The following FLNA variants were observed in gnomAD, a reference collection of about 807,000 sequenced individuals.
The protein encoded by FLNA is filamin-A.
FLNA carries 7 observed loss-of-function variants against 157.6 expected under a neutral mutation model. That is an observed-to-expected ratio of 0.04 (90% CI 0.03 to 0.08). The LOEUF (loss-of-function observed/expected upper bound fraction) is 0.08. FLNA is among the 10% of genes least tolerant of loss of function. The probability of loss-of-function intolerance (pLI) is 1.00; values close to 1 mark genes in which losing one functional copy is unlikely to be tolerated. For missense variants in FLNA, 1,750 were observed against 2,398.4 expected, an observed-to-expected ratio of 0.73 and a Z score of 5.65; for synonymous variants, 1,103 against 1,060.8, an observed-to-expected ratio of 1.04 and a Z score of -0.77.
At chrX:154,361,076 A>AAAAGAAAG (rs1569551712) in intron 21 of FLNA, among the ~76,000 whole-genome samples, 3 of 89,030 alleles carry the variant, frequency 3.4e-5, no homozygotes, top group Non-Finnish European at 6.7e-5. Context: ...AAAAAAAAAA[A>AAAAGAAAG]AAAGAAAGAA....
chrX:154,364,136 C>G lies in FLNA; in HGVS notation c.2166G>C (p.Leu722Phe). Residue 722 changes from leucine (L) to phenylalanine (F), a missense_variant, in exon 15 of 48, where the codon TTG (leucine) becomes TTC (phenylalanine). Physicochemically the swap from Leu to Phe is conservative, Grantham distance 22 (BLOSUM62 0). Around this residue, in one of 5 missense-constraint regions of FLNA, gnomAD observed 648 missense variants for 805.8 expected, o/e 0.80. Transcript: ENST00000369850. ...AAGTGCCATTGCCGTTGTCCTTGAC[C>G]AACGCCTCCACAGGGCAGCCTTCAT... ...QDNEGCPVEALVKDNGNGTYS... is the reference protein window; with the variant it reads ...QDNEGCPVEAFVKDNGNGTYS... 1 of 1,211,273 alleles carries G rather than the reference C, an allele frequency of 8.3e-7. No individual in the cohort carries two copies. Among genetic ancestry groups the G allele is most frequent in the Non-Finnish European group, 1.1e-6 (1 of 895,370 alleles).
rs782643391 is a variant in FLNA, at chrX:154,360,994, C to G, written c.3207+314G>C. Among the ~76,000 whole-genome samples, 9 of 86,505 alleles carry G rather than the reference C, an allele frequency of 1.0e-4. No homozygotes were observed. In the Admixed American group the frequency reaches 1.2e-3, roughly 12 times the overall value. 75.1% of individuals were successfully genotyped at this position (86,505 alleles called of 115,157 possible). A position where few individuals can be genotyped will look rare whatever the true frequency, so the allele number is the denominator to read the frequency against. ...GCCAGGAGGCGGAGGGTGCCGTGAG[C>G]CAATATCGCGCCACTGCACTCCAGC... On this transcript the variant is annotated intron_variant, in intron 21 of 47. Transcript: ENST00000369850.
In FLNA at chrX:154,348,808, G is replaced by A. The variant is rs782082662; in HGVS notation, c.*41C>T. 2.0e-5 allele frequency: 23 copies of A among 1,153,197 alleles called. No homozygotes were observed. The highest frequency in any genetic ancestry group is 5.7e-5 in the South Asian group (3 of 52,638). Reference sequence around the variant, plus strand: ...AAGAGGGCGGGGCTGCTTGGGTAGCGGGGCAGGCTTGGGGGCTGCCGGCTG... The same window carrying A: ...AAGAGGGCGGGGCTGCTTGGGTAGCAGGGCAGGCTTGGGGGCTGCCGGCTG... On this transcript the variant is annotated 3_prime_UTR_variant, in exon 48 of 48. Transcript: ENST00000369850.
chrX:154,355,094 C>A, intron 30 of FLNA, 22 bp from the exon 31 acceptor site: 1 of 1,194,723 alleles, frequency 8.4e-7, no homozygotes, highest in Admixed American at 2.2e-5. Flanking sequence ...GGGTGGGTCC[C>A]CAAAGGGGGG....
At chrX:154,349,177 G>T in intron 47 of FLNA, 141 bp from the exon 48 acceptor site, 1 of 770,029 alleles carries the variant, frequency 1.3e-6, no homozygotes, top group Non-Finnish European at 1.9e-6. Context: ...CCCAACCCAG[G>T]CCAGCTTAGC....
chrX:154,361,623 C>T (rs781961938), intron 20 of FLNA, 47 bp downstream of exon 20: 1 of 1,208,102 alleles, frequency 8.3e-7, no homozygotes, highest in African/African-American at 1.7e-5. Context: ...CTCAGCCAAT[C>T]CCTGGATGTG....
chrX:154,358,825 C>T (rs1234025150), intron 26 of FLNA, among the ~76,000 whole-genome samples, 159 bp downstream of exon 26: 2 of 112,122 alleles, frequency 1.8e-5, no homozygotes, highest in African/African-American at 6.5e-5. Context: ...CCAAGTCCCC[C>T]ACCTGGCTGC....
chrX:154,372,690 C>G (rs1262019688), intron 1 of FLNA, among the ~76,000 whole-genome samples: 1 of 108,477 alleles, frequency 9.2e-6, no homozygotes, highest in African/African-American at 3.4e-5. Flanking sequence ...TCTCAGTCCT[C>G]GGTACCTCCC....
At chrX:154,354,797 T>C in intron 31 of FLNA, 28 bp downstream of exon 31, 1 of 1,211,383 alleles carries the variant, frequency 8.3e-7, no homozygotes, top group Non-Finnish European at 1.1e-6. Context: ...CAGACACCCC[T>C]GCTGACCTAC....
At position 154,364,357 on chromosome X, in the gene FLNA, G is replaced by A. The variant is rs1244390170; in HGVS notation, c.2038C>T (p.Pro680Ser). The change falls in exon 14 of 48, where the codon CCT becomes TCT. Residue 680 changes from proline (P) to serine (S), a missense_variant. Physicochemically the swap from Pro to Ser is moderately conservative, Grantham distance 74 (BLOSUM62 -1). Coordinates refer to ENST00000369850, the MANE Select transcript of FLNA (RefSeq NM_001110556.2). ...GCCACACCTGTCTTCTCCAATCCAGGCCCACGTGCCTTCACCTAGCGGGAG... is the reference window on the plus strand; with the variant it reads ...GCCACACCTGTCTTCTCCAATCCAGACCCACGTGCCTTCACCTAGCGGGAG... ...FHPDRVKARG[P>S]GLEKTGVAVN... is the part of the protein sequence containing the mutation. 8.3e-7 allele frequency: 1 copy of A among 1,208,089 alleles called. No individual in the cohort carries two copies. The highest frequency in any genetic ancestry group is 1.8e-5 in the African/African-American group (1 of 56,971).
Position 154,349,778 on chromosome X carries a change from C to CCAT in FLNA, c.7420_7422dup (p.Met2474dup), listed in dbSNP as rs781924831. ...TAGCCCTCAGGGCACTCCTGGCAAT[C>CCAT]CATCTTCACCTTGGAGGGGCCGTCA... On this transcript the variant is annotated inframe_insertion, in exon 46 of 48. Transcript: ENST00000369850. 8.3e-7 allele frequency: 1 copy of CCAT among 1,211,668 alleles called. No homozygotes were observed. The highest frequency in any genetic ancestry group is 1.1e-6 in the Non-Finnish European group (1 of 895,392).
At chrX:154,351,189 G>A in intron 43 of FLNA, 148 bp from the exon 44 acceptor site, 1 of 601,824 alleles carries the variant, frequency 1.7e-6, no homozygotes, top group Admixed American at 2.7e-5. Flanking sequence ...TGATTTGCAA[G>A]GGGCAGCAAG....
At chrX:154,360,673 C>A in intron 21 of FLNA, 86 bp from the exon 22 acceptor site, 1 of 881,179 alleles carries the variant, frequency 1.1e-6, no homozygotes, top group Non-Finnish European at 1.6e-6. Context: ...CCTCCCCTTG[C>A]CCTGGCTTCC....
chrX:154,362,628 C>T (rs782600074), intron 16 of FLNA, 33 bp downstream of exon 16: 2 of 1,210,929 alleles, frequency 1.7e-6, no homozygotes, highest in East Asian at 3.0e-5. Context: ...GACACCCCAG[C>T]CACCTGCCCT....
At position 154,365,496 on chromosome X, in the gene FLNA, G is replaced by C; in HGVS notation, c.1430-10C>G. ...GCACTCGGGTTACAGGCTGCAGGCA[G>C]AGGGGCCAGCTGAGCACCAGCAGCT... On this transcript the variant is annotated splice_polypyrimidine_tract_variant and intron_variant, in intron 9 of 47. Coordinates refer to ENST00000369850, the MANE Select transcript of FLNA (RefSeq NM_001110556.2). 1 of 1,209,762 alleles carries C rather than the reference G, an allele frequency of 8.3e-7. No homozygotes were observed. Among genetic ancestry groups the C allele is most frequent in the South Asian group, 1.8e-5 (1 of 56,869 alleles).
chrX:154,363,945 A>G (rs2067733861), intron 15 of FLNA, 77 bp downstream of exon 15: 2 of 1,080,454 alleles, frequency 1.9e-6, no homozygotes, highest in Admixed American at 4.5e-5. Flanking sequence ...GGTGTGCCAC[A>G]ACCACTTGAA....
rs1175368896 is a variant in FLNA, at chrX:154,351,480, AG to A, written c.7023+100del. The A allele has an allele frequency of 6.3e-5, 36 of 572,190 alleles. No homozygotes were observed. In the African/African-American group the frequency reaches 7.0e-4, roughly 11 times the overall value. The allele number at this position is 572,190 out of a possible 1,213,427, so 47.2% of individuals were successfully genotyped here. On this transcript the variant is annotated intron_variant, in intron 43 of 47. Transcript: ENST00000369850. Reference sequence around the variant, plus strand: ...GAGGCCTGGAACCCAGAGCTGGGCCAGGGGGGTCACTGAACACAGGGCCAAG... The same window carrying A: ...GAGGCCTGGAACCCAGAGCTGGGCCAGGGGGTCACTGAACACAGGGCCAAG...
intron 15 of FLNA, 105 bp downstream of exon 15, chrX:154,363,917 G>C: frequency 2.3e-6 from 2 of 883,380 alleles, no homozygotes; most frequent in Non-Finnish European, 3.3e-6. Context: ...AGGAGCTGTG[G>C]GACAGGGGAG....
At chrX:154,358,164 C>G in intron 28 of FLNA, 35 bp downstream of exon 28, 3 of 1,200,462 alleles carry the variant, frequency 2.5e-6, no homozygotes, top group Admixed American at 2.2e-5. Context: ...GCCGCCCAGG[C>G]CCCCCTGCCT....
Sources: gnomAD v4.1 joint callset for allele counts (sites outside exome capture counted in the v4.1 genomes callset) on GRCh38, gnomAD v4.1.1 for gene constraint, gnomAD v4.1.1 regional missense constraint, MANE v1.5 for transcripts, NCBI Gene and HGNC (gene_info 2026-07-23, HGNC 2026-07-21) for gene names.